Variants in QPCT observed in about 807,000 individuals in gnomAD.
QPCT encodes glutaminyl-peptide cyclotransferase, also known as EC.
QPCT carries 44 observed loss-of-function variants against 43.4 expected under a neutral mutation model. The ratio of observed to expected loss-of-function variants is 1.01; its 90% CI spans 0.80 to 1.30. The LOEUF (loss-of-function observed/expected upper bound fraction) is 1.30, where lower values mean the gene tolerates loss of function less well. QPCT is among the 50% of genes most tolerant of loss of function. The pLI is 0.00. For missense variants in QPCT, 526 were observed against 436.5 expected, an observed-to-expected ratio of 1.21 and a Z score of -1.83; for synonymous variants, 168 against 168.4, an observed-to-expected ratio of 1.00 and a Z score of 0.02.
At chr2:37,345,803 T>C (rs1572725650) in intron 1 of QPCT, among the ~76,000 whole-genome samples, 1 of 133,168 alleles carries the variant, frequency 7.5e-6, no homozygotes, top group Non-Finnish European at 1.5e-5. Context: ...GCCACTGCGC[T>C]CCAACCTGGG....
intron 1 of QPCT, among the ~76,000 whole-genome samples, chr2:37,351,051 T>G (rs1289025844): frequency 6.6e-6 from 1 of 152,200 alleles, no homozygotes; most frequent in Non-Finnish European, 1.5e-5. Flanking sequence ...TACTGGAAAG[T>G]AAACAGCCAT....
At chr2:37,358,865 A>C (rs1275149830) in intron 2 of QPCT, 3 of 152,220 alleles carry the variant, frequency 2.0e-5, no homozygotes, top group Non-Finnish European at 4.4e-5. Context: ...TAGCTATGGG[A>C]GCTTTCTACG....
chr2:37,357,217 G>T (rs533731640), intron 2 of QPCT, among the ~76,000 whole-genome samples: 1 of 150,846 alleles, frequency 6.6e-6, no homozygotes, highest in African/African-American at 2.4e-5. Context: ...ATCTGCAATT[G>T]GTGTTGAAGA....
chr2:37,365,256 G>A (rs1181611926), intron 3 of QPCT, among the ~76,000 whole-genome samples: 2 of 152,100 alleles, frequency 1.3e-5, no homozygotes, highest in Non-Finnish European at 2.9e-5. Flanking sequence ...AGCCATTAGT[G>A]CTAAGGTAGG....
intron 2 of QPCT, among the ~76,000 whole-genome samples, chr2:37,353,716 G>GT (rs999298811): frequency 6.6e-6 from 1 of 152,060 alleles, no homozygotes; most frequent in Admixed American, 6.6e-5. Flanking sequence ...CTGAATATCT[G>GT]TTTTTTTCAA....
intron 1 of QPCT, among the ~76,000 whole-genome samples, chr2:37,345,253 C>A (rs1348444137): frequency 2.0e-5 from 3 of 152,182 alleles, no homozygotes; most frequent in Non-Finnish European, 2.9e-5. Context: ...GTGCGGGGTG[C>A]GCCTGGGGGT....
chr2:37,348,437 C>G (rs75626957), intron 1 of QPCT, among the ~76,000 whole-genome samples: 3,130 of 152,254 alleles, frequency 0.021, 125 homozygotes, highest in African/African-American at 0.072. Flanking sequence ...TGGCATCCGA[C>G]ACACAGAAGG....
At position 37,347,153 on chromosome 2, in the gene QPCT, T is replaced by TATATATATATATATATATATATATC. The variant is rs1411776943; in HGVS notation, c.120+2313_120+2314insTATATATATATATCATATATATATA. 2.1e-3 allele frequency among the ~76,000 whole-genome samples: 120 copies of TATATATATATATATATATATATATC among 57,100 alleles called. 15 individuals carry two copies. The highest frequency in any genetic ancestry group is 0.014 in the East Asian group (7 of 492). 37.5% of individuals were successfully genotyped at this position (57,100 alleles called of 152,430 possible). ...CTGGGTATGGGGTGTTTTATATATA[T>TATATATATATATATATATATATATC]ATATATATATAACATATATATATAT... On this transcript the variant is annotated intron_variant, in intron 1 of 6. Coordinates refer to ENST00000338415, the MANE Select transcript of QPCT (RefSeq NM_012413.4).
At chr2:37,348,124 C>T (rs747559368) in intron 1 of QPCT, among the ~76,000 whole-genome samples, 6 of 151,592 alleles carry the variant, frequency 4.0e-5, no homozygotes, top group Admixed American at 6.6e-5. Context: ...GAAGCAACGA[C>T]GGAGACTCTC....
At chr2:37,348,174 T>C (rs1431165206) in intron 1 of QPCT, among the ~76,000 whole-genome samples, 11 of 152,006 alleles carry the variant, frequency 7.2e-5, no homozygotes, top group Admixed American at 2.0e-4. Context: ...TGGGTGTTGG[T>C]AGGGACAGAA....
chr2:37,358,607 T>C lies in QPCT; in HGVS notation c.268-973T>C, dbSNP rs1228872153. The C allele has an allele frequency of 3.3e-5, 5 of 152,248 alleles. No homozygotes were observed. In the South Asian group the frequency reaches 6.2e-4, roughly 19 times the overall value. The allele number at this position is 152,248 out of a possible 1,614,324, so 9.4% of individuals were successfully genotyped here. ...AATATGTTCTTTAAAAAAATACTTC[T>C]AGTTCCTGAAGTGATGCTACTTTCT... On this transcript the variant is annotated intron_variant, in intron 2 of 6. Transcript: ENST00000338415.
Position 37,367,263 on chromosome 2 carries a change from T to G in QPCT, c.578T>G (p.Leu193Arg). Residue 193 changes from leucine to arginine, a missense_variant, in exon 4 of 7, where the codon CTC (leucine) becomes CGC (arginine). Transcript: ENST00000338415. ...TCAGACTCCAAGCCAGATTTGTCAC[T>G]CCAGCTGATCTTCTTTGATGGTGAA... ...TVSDSKPDLS[L>R]QLIFFDGEEA... 1 of 1,614,090 alleles carries G rather than the reference T, an allele frequency of 6.2e-7. No homozygotes were observed. The highest frequency in any genetic ancestry group is 1.1e-5 in the South Asian group (1 of 91,080).
intron 4 of QPCT, chr2:37,368,802 A>C (rs902838641): frequency 2.7e-6 from 1 of 363,700 alleles, no homozygotes; most frequent in Non-Finnish European, 5.6e-6. Flanking sequence ...AGTGATTCAT[A>C]TATTTGGACT....
At chr2:37,367,520 G>C in intron 4 of QPCT, 112 bp downstream of exon 4, 1 of 1,074,826 alleles carries the variant, frequency 9.3e-7, no homozygotes, top group Non-Finnish European at 1.3e-6. Context: ...GGAGCACAGT[G>C]TTTATGATAG....
intron 1 of QPCT, among the ~76,000 whole-genome samples, chr2:37,347,811 C>A (rs1365669647): frequency 6.6e-6 from 1 of 152,128 alleles, no homozygotes; most frequent in Non-Finnish European, 1.5e-5. Context: ...TCCTTAGGTG[C>A]GAATGACTGA....
intron 1 of QPCT, among the ~76,000 whole-genome samples, chr2:37,351,065 G>A (rs10179447): frequency 0.56 from 85,641 of 152,040 alleles, 24,806 homozygotes; most frequent in East Asian, 0.91. Context: ...CAGCCATCTC[G>A]GAGTATAGAT....
chr2:37,355,596 G>T (rs1166291130), intron 2 of QPCT, among the ~76,000 whole-genome samples: 1 of 152,016 alleles, frequency 6.6e-6, no homozygotes, highest in Non-Finnish European at 1.5e-5. Context: ...AATATTTTGG[G>T]GGAACCCTGT....
At position 37,367,320 on chromosome 2, in the gene QPCT, C is replaced by T; in HGVS notation, c.635C>T (p.Ser212Phe). The T allele has an allele frequency of 6.2e-7, 1 of 1,614,090 alleles. No individual in the cohort carries two copies. The highest frequency in any genetic ancestry group is 8.5e-7 in the Non-Finnish European group (1 of 1,179,984). ...EAFLHWSPQD[S>F]LYGSRHLAAK... ...TTTCTTCACTGGTCTCCTCAAGATT[C>T]TCTCTATGGGTCTCGACACTTAGCT... Residue 212 changes from serine (S) to phenylalanine (F), a missense_variant, in exon 4 of 7, where the codon TCT (serine) becomes TTT (phenylalanine). Ser to Phe is a radical substitution (Grantham distance 155). Transcript: ENST00000338415.
chr2:37,353,843 T>C (rs1358934107), intron 2 of QPCT, among the ~76,000 whole-genome samples: 1 of 152,206 alleles, frequency 6.6e-6, no homozygotes, highest in Non-Finnish European at 1.5e-5. Context: ...GATTGAGAAC[T>C]GCAAGGCGCA....
Sources: gnomAD v4.1 joint callset for allele counts (sites outside exome capture counted in the v4.1 genomes callset) on GRCh38, gnomAD v4.1.1 for gene constraint, MANE v1.5 for transcripts, NCBI Gene and HGNC (gene_info 2026-07-23, HGNC 2026-07-21) for gene names.